The following IMMP2L variants were observed in gnomAD, a reference collection of about 807,000 sequenced individuals.
IMMP2L encodes inner mitochondrial membrane peptidase subunit 2.
Under a neutral mutation model 19.3 loss-of-function variants are expected in IMMP2L, and 18 were observed. That is an observed-to-expected ratio of 0.93 (90% CI 0.64 to 1.38). IMMP2L has a LOEUF of 1.38. Ranked by LOEUF, IMMP2L falls within the 40% of genes most tolerant of loss-of-function variation. The pLI is 0.00. For synonymous variants in IMMP2L, 76 were observed against 73.0 expected (o/e 1.04, Z -0.21); for missense variants, 233 against 218.2 (o/e 1.07, Z -0.43).
chr7:110,909,481 A>G (rs764015688), intron 4 of IMMP2L, among the ~76,000 whole-genome samples: 1 of 152,174 alleles, frequency 6.6e-6, no homozygotes, highest in African/African-American at 2.4e-5. Flanking sequence ...GTACTTGAGA[A>G]AACTTCTAAT....
chr7:111,049,358 C>G (rs975610486), intron 3 of IMMP2L, among the ~76,000 whole-genome samples: 1 of 151,958 alleles, frequency 6.6e-6, no homozygotes, highest in Non-Finnish European at 1.5e-5. Context: ...GTCTCGATCT[C>G]CTGACCTCGT....
intron 5 of IMMP2L, among the ~76,000 whole-genome samples, chr7:110,816,499 G>A (rs1353476797): frequency 6.6e-6 from 1 of 151,734 alleles, no homozygotes; most frequent in Non-Finnish European, 1.5e-5. Flanking sequence ...GTGCAGAGCT[G>A]AGTTCAATTC....
chr7:111,320,530 A>AC, intron 3 of IMMP2L, among the ~76,000 whole-genome samples: 1 of 152,046 alleles, frequency 6.6e-6, no homozygotes, highest in Middle Eastern at 3.4e-3. Flanking sequence ...ACAACCCACT[A>AC]CCCTCAGATC....
intron 3 of IMMP2L, among the ~76,000 whole-genome samples, chr7:111,301,589 T>A (rs935534614): frequency 6.6e-6 from 1 of 152,122 alleles, no homozygotes; most frequent in African/African-American, 2.4e-5. Flanking sequence ...TACTTTCATA[T>A]TTTGTATTTA....
rs543469734 is a variant in IMMP2L at position 111,470,939 on chromosome 7, T to C, written c.239+16299A>G. Among the ~76,000 whole-genome samples the C allele has an allele frequency of 2.0e-5, 3 of 151,734 alleles. No homozygotes were observed. In the East Asian group the frequency reaches 5.8e-4, roughly 29 times the overall value. ...GGCCAAAAAAGGAACCAGCAAAGCA[T>C]ACAAAGCTAAAACAGAACCAAGAAA... On this transcript the variant is annotated intron_variant, in intron 3 of 5. Coordinates refer to ENST00000405709, the MANE Select transcript of IMMP2L (RefSeq NM_032549.4).
intron 3 of IMMP2L, chr7:111,097,457 A>G (rs1375631118): frequency 6.6e-6 from 1 of 151,952 alleles, no homozygotes; most frequent in Non-Finnish European, 1.5e-5. Context: ...AATGAAATAG[A>G]GGCAAATATT....
At chr7:110,681,618 C>A (rs1792724254) in intron 5 of IMMP2L, among the ~76,000 whole-genome samples, 1 of 152,148 alleles carries the variant, frequency 6.6e-6, no homozygotes, top group South Asian at 2.1e-4. Context: ...TCTTTTTACT[C>A]AACACAACAG....
At chr7:111,298,610 G>T (rs542187994) in intron 3 of IMMP2L, among the ~76,000 whole-genome samples, 4 of 151,900 alleles carry the variant, frequency 2.6e-5, no homozygotes, top group Non-Finnish European at 2.9e-5. Flanking sequence ...AAAAAATTTA[G>T]CTGGGCATGG....
At chr7:111,459,037 C>T (rs995854099) in intron 3 of IMMP2L, among the ~76,000 whole-genome samples, 1 of 152,106 alleles carries the variant, frequency 6.6e-6, no homozygotes, top group Non-Finnish European at 1.5e-5. Context: ...CTTTATGTCA[C>T]CACAGGATGC....
intron 3 of IMMP2L, among the ~76,000 whole-genome samples, chr7:111,393,476 C>T (rs575663747): frequency 6.6e-6 from 1 of 152,168 alleles, no homozygotes; most frequent in African/African-American, 2.4e-5. Context: ...ATTTAGAACA[C>T]TGCATATTTT....
At chr7:111,239,255 C>T (rs1030909614) in intron 3 of IMMP2L, among the ~76,000 whole-genome samples, 9 of 151,930 alleles carry the variant, frequency 5.9e-5, no homozygotes, top group Non-Finnish European at 1.0e-4. Flanking sequence ...ACCTCTTTCT[C>T]TTATTTTCCT....
chr7:111,026,717 A>G (rs918969657), intron 3 of IMMP2L, among the ~76,000 whole-genome samples: 6 of 152,150 alleles, frequency 3.9e-5, no homozygotes, highest in African/African-American at 1.4e-4. Flanking sequence ...TTATTACAGA[A>G]AGCAACATCT....
In IMMP2L at chr7:110,803,125, T is replaced by C. The variant is rs1222782743; in HGVS notation, c.408+83468A>G. ...TTGTGTCTTAGCCTTGAAGGATGTA[T>C]AGGATTAGGATAGGTAAAAAGAGCA... On this transcript the variant is annotated intron_variant, in intron 5 of 5. Coordinates refer to ENST00000405709, the MANE Select transcript of IMMP2L (RefSeq NM_032549.4). The surrounding 1 kb of genome is among the most constrained non-coding windows in gnomAD (Gnocchi z 4.2). Among the ~76,000 whole-genome samples, 1 of 152,056 alleles carries C rather than the reference T, an allele frequency of 6.6e-6. No homozygotes were observed. The highest frequency in any genetic ancestry group is 1.5e-5 in the Non-Finnish European group (1 of 68,006).
chr7:110,783,849 T>G (rs1011503218), intron 5 of IMMP2L, among the ~76,000 whole-genome samples: 1 of 151,874 alleles, frequency 6.6e-6, no homozygotes. Flanking sequence ...AACAAGTTCA[T>G]TGTAGTGTGG....
intron 1 of IMMP2L, among the ~76,000 whole-genome samples, chr7:111,525,654 C>A (rs1347190562): frequency 6.6e-6 from 1 of 151,998 alleles, no homozygotes; most frequent in Non-Finnish European, 1.5e-5. Context: ...AATAGATGGA[C>A]AATGGTGGGA....
chr7:110,696,522 G>A (rs1235037764), intron 5 of IMMP2L, among the ~76,000 whole-genome samples: 1 of 147,020 alleles, frequency 6.8e-6, no homozygotes, highest in Admixed American at 7.2e-5. Flanking sequence ...GGCCTCCCAG[G>A]TTCAAGCGAT....
chr7:111,432,563 C>T (rs1585075665), intron 3 of IMMP2L, among the ~76,000 whole-genome samples: 2 of 151,696 alleles, frequency 1.3e-5, no homozygotes, highest in South Asian at 2.1e-4. Context: ...AAGGAACATA[C>T]TTCAACATAA....
At chr7:110,997,606 T>C (rs1823180577) in intron 3 of IMMP2L, among the ~76,000 whole-genome samples, 1 of 152,182 alleles carries the variant, frequency 6.6e-6, no homozygotes, top group African/African-American at 2.4e-5. Context: ...ATTTCCTTAA[T>C]GACTAATGAT....
At chr7:110,674,667 A>C (rs910947233) in intron 5 of IMMP2L, among the ~76,000 whole-genome samples, 2 of 152,184 alleles carry the variant, frequency 1.3e-5, no homozygotes, top group Non-Finnish European at 2.9e-5. Context: ...AATATCCAAA[A>C]TTTGAAATGT....
Sources: allele counts gnomAD v4.1 joint callset (sites outside exome capture counted in the v4.1 genomes callset), GRCh38; gene constraint gnomAD v4.1.1; non-coding constraint Gnocchi (gnomAD v3.1); transcripts MANE v1.5; gene names NCBI Gene and HGNC (gene_info 2026-07-23, HGNC 2026-07-21).